Variants in SORCS2 observed in about 807,000 individuals in gnomAD.
SORCS2 encodes the protein sortilin related VPS10 domain containing receptor 2.
Under a neutral mutation model 141.6 loss-of-function variants are expected in SORCS2, and 100 were observed. The ratio of observed to expected loss-of-function variants is 0.71; its 90% CI spans 0.60 to 0.83. The LOEUF (loss-of-function observed/expected upper bound fraction) is 0.83, where lower values mean the gene tolerates loss of function less well. Among genes scored for constraint, SORCS2 ranks in the 40% least tolerant of loss-of-function variants. SORCS2 has a pLI of 0.00. For synonymous variants in SORCS2, 789 were observed against 676.9 expected (o/e 1.17, Z -2.57); for missense variants, 1,646 against 1,560.2 (o/e 1.05, Z -0.93).
At chr4:7,545,900 A>G (rs926267697) in intron 3 of SORCS2, among the ~76,000 whole-genome samples, 2 of 152,238 alleles carry the variant, frequency 1.3e-5, no homozygotes, top group South Asian at 4.1e-4. Context: ...GGGGTTTGAA[A>G]GTCCAACATC....
chr4:7,387,725 TACACATTTGCACACATGCACACACAG>T (rs1482349463), intron 1 of SORCS2, among the ~76,000 whole-genome samples: 55 of 134,396 alleles, frequency 4.1e-4, no homozygotes, highest in African/African-American at 1.5e-3. Flanking sequence ...TGCACACACA[TACACATTTGCACACATGCACACACAG>T]ATACACAGAA....
intron 1 of SORCS2, among the ~76,000 whole-genome samples, chr4:7,288,132 G>A (rs1051051666): frequency 6.6e-6 from 1 of 152,146 alleles, no homozygotes; most frequent in African/African-American, 2.4e-5. Context: ...TCGAGAGCTC[G>A]GCTGCTTAAT....
intron 1 of SORCS2, among the ~76,000 whole-genome samples, chr4:7,208,281 C>T (rs913817781): frequency 2.6e-5 from 4 of 152,160 alleles, no homozygotes; most frequent in African/African-American, 9.7e-5. Context: ...GGACTGAACT[C>T]GCCTTGCCCC....
At chr4:7,263,555 C>T (rs775312768) in intron 1 of SORCS2, among the ~76,000 whole-genome samples, 67 of 152,240 alleles carry the variant, frequency 4.4e-4, no homozygotes, top group Middle Eastern at 3.2e-3. Flanking sequence ...GGAGTTCCCA[C>T]GGACTCCTTC....
At chr4:7,694,894 C>A (rs1175410226) in intron 11 of SORCS2, among the ~76,000 whole-genome samples, 1 of 152,120 alleles carries the variant, frequency 6.6e-6, no homozygotes, top group African/African-American at 2.4e-5. Context: ...ACGTTCAGCT[C>A]TCCAGGCTCC....
chr4:7,488,716 C>T (rs995515457), intron 2 of SORCS2, among the ~76,000 whole-genome samples: 5 of 152,220 alleles, frequency 3.3e-5, no homozygotes, highest in Admixed American at 6.5e-5. Context: ...GGCACGTGTC[C>T]GTCACTGGCC....
chr4:7,378,482 G>C (rs994402811), intron 1 of SORCS2, among the ~76,000 whole-genome samples: 3 of 152,210 alleles, frequency 2.0e-5, no homozygotes, highest in African/African-American at 7.2e-5. Flanking sequence ...TCAGGAGAGA[G>C]AAGTGCCAAG....
chr4:7,691,463 C>T (rs557338437), intron 11 of SORCS2, among the ~76,000 whole-genome samples: 1 of 152,232 alleles, frequency 6.6e-6, no homozygotes, highest in Non-Finnish European at 1.5e-5. Flanking sequence ...ACGGCAGAGA[C>T]CTGGCCTGTC....
intron 1 of SORCS2, among the ~76,000 whole-genome samples, chr4:7,236,516 T>C (rs1712281839): frequency 6.6e-6 from 1 of 152,150 alleles, no homozygotes; most frequent in South Asian, 2.1e-4. Flanking sequence ...GAGAATATTC[T>C]CTGCCGCTGT....
At chr4:7,443,442 A>AC (rs1404702181) in intron 2 of SORCS2, among the ~76,000 whole-genome samples, 2 of 152,026 alleles carry the variant, frequency 1.3e-5, no homozygotes, top group Admixed American at 1.3e-4. Context: ...TGGAGCCTCA[A>AC]CCCCCTGAGA....
intron 2 of SORCS2, among the ~76,000 whole-genome samples, chr4:7,477,267 A>G (rs1009728107): frequency 1.1e-4 from 4 of 37,068 alleles, no homozygotes; most frequent in African/African-American, 2.5e-4. Context: ...CTATGGGGAC[A>G]GCTTCTAGGA....
intron 2 of SORCS2, among the ~76,000 whole-genome samples, chr4:7,493,984 C>CAGCA (rs1731459127): frequency 6.6e-6 from 1 of 152,064 alleles, no homozygotes; most frequent in African/African-American, 2.4e-5. Context: ...AACATACAGA[C>CAGCA]AGCAAGACCT....
chr4:7,724,932 GTAGTGGT>G (rs1727082857), intron 19 of SORCS2, among the ~76,000 whole-genome samples: 1 of 61,934 alleles, frequency 1.6e-5, no homozygotes, highest in Admixed American at 2.0e-4. Flanking sequence ...GATGGTGGTA[GTAGTGGT>G]GATGGTGGTG....
intron 1 of SORCS2, among the ~76,000 whole-genome samples, chr4:7,309,842 C>A (rs1718072683): frequency 6.6e-6 from 1 of 152,154 alleles, no homozygotes; most frequent in African/African-American, 2.4e-5. Flanking sequence ...CCAGTGAGTG[C>A]TGTGGTCGCC....
At chr4:7,690,821 A>G (rs973709009) in intron 11 of SORCS2, among the ~76,000 whole-genome samples, 1 of 152,230 alleles carries the variant, frequency 6.6e-6, no homozygotes, top group South Asian at 2.1e-4. Flanking sequence ...GTATACAACT[A>G]GCACTTTTTA....
At chr4:7,667,284 G>A in intron 8 of SORCS2, 71 bp downstream of exon 8, 2 of 1,416,218 alleles carry the variant, frequency 1.4e-6, no homozygotes, top group Non-Finnish European at 1.0e-6. Context: ...GGGGCAACAG[G>A]ACTCACACAC....
intron 1 of SORCS2, among the ~76,000 whole-genome samples, chr4:7,257,906 C>A (rs1197503015): frequency 6.6e-6 from 1 of 152,180 alleles, no homozygotes; most frequent in Non-Finnish European, 1.5e-5. Flanking sequence ...TGGGTTCCTG[C>A]AACTTTCTCT....
chr4:7,484,941 T>C (rs1053421286), intron 2 of SORCS2, among the ~76,000 whole-genome samples: 4 of 140,392 alleles, frequency 2.8e-5, no homozygotes, highest in Non-Finnish European at 6.1e-5. Context: ...TTCTTTTTCA[T>C]TTATTTGCAC....
At chr4:7,600,767 A>T (rs1717616843) in intron 3 of SORCS2, among the ~76,000 whole-genome samples, 1 of 152,044 alleles carries the variant, frequency 6.6e-6, no homozygotes, top group Admixed American at 6.6e-5. Flanking sequence ...AGCAACTTTT[A>T]TCTCCCTAGC....
Sources: gnomAD v4.1 joint callset for allele counts (sites outside exome capture counted in the v4.1 genomes callset) on GRCh38, gnomAD v4.1.1 for gene constraint, MANE v1.5 for transcripts, NCBI Gene and HGNC (gene_info 2026-07-23, HGNC 2026-07-21) for gene names.